CADM2: variants seen among roughly 807,000 people sequenced by gnomAD.
The protein encoded by CADM2 is immunoglobulin superfamily member 4D.
A neutral mutation model predicts 49.8 loss-of-function variants in CADM2; 12 were observed. The ratio of observed to expected loss-of-function variants is 0.24; its 90% confidence interval spans 0.15 to 0.39. CADM2 has a LOEUF of 0.39. Ranked by LOEUF, CADM2 falls within the 10% of genes least tolerant of loss-of-function variation. The pLI is 1.00. For synonymous variants in CADM2, 214 were observed against 175.4 expected (o/e 1.22, Z -1.74); for missense variants, 378 against 492.3 (o/e 0.77, Z 2.20).
chr3:86,044,268 A>G (rs1736346804), intron 8 of CADM2, among the ~76,000 whole-genome samples: 1 of 152,228 alleles, frequency 6.6e-6, no homozygotes. Context: ...ATCAGAGTGA[A>G]CAGGCAACCC....
intron 1 of CADM2, among the ~76,000 whole-genome samples, chr3:85,058,968 T>C (rs565200695): frequency 2.6e-5 from 4 of 151,830 alleles, no homozygotes; most frequent in Non-Finnish European, 4.4e-5. Context: ...TTCTTAATTA[T>C]CAAATTTCCT....
intron 1 of CADM2, among the ~76,000 whole-genome samples, chr3:85,608,874 A>T (rs1394184253): frequency 6.6e-6 from 1 of 152,124 alleles, no homozygotes; most frequent in Non-Finnish European, 1.5e-5. Flanking sequence ...GCACATATTT[A>T]AAAGCTTTCT....
intron 1 of CADM2, among the ~76,000 whole-genome samples, chr3:85,282,848 T>C (rs2043538983): frequency 6.6e-6 from 1 of 152,088 alleles, no homozygotes; most frequent in Non-Finnish European, 1.5e-5. Flanking sequence ...AGGGTGACTA[T>C]ACTAAAAAAG....
At chr3:85,722,679 C>A (rs1328977933) in intron 1 of CADM2, among the ~76,000 whole-genome samples, 1 of 152,044 alleles carries the variant, frequency 6.6e-6, no homozygotes, top group Admixed American at 6.6e-5. Flanking sequence ...AAATATATGA[C>A]CCTTGTGTTA....
At chr3:85,279,645 AT>A (rs1421921710) in intron 1 of CADM2, among the ~76,000 whole-genome samples, 10 of 151,418 alleles carry the variant, frequency 6.6e-5, no homozygotes, top group Non-Finnish European at 3.0e-5. Flanking sequence ...TTGACTACCA[AT>A]TTTTTTAGTT....
At position 85,490,331 on chromosome 3, in the gene CADM2, A is replaced by G. The variant is rs1019563603; in HGVS notation, c.62-236191A>G. 8.5e-5 allele frequency among the ~76,000 whole-genome samples: 13 copies of G among 152,266 alleles called. No homozygotes were observed. In the East Asian group the frequency reaches 2.3e-3, roughly 27 times the overall value. On this transcript the variant is annotated intron_variant, in intron 1 of 9. Transcript: ENST00000383699. ...CTATTTCCCCTGTGTCGGCTGCACAATGAATTATATATAGCACAGTGTTAA... is the reference window on the plus strand; with the variant it reads ...CTATTTCCCCTGTGTCGGCTGCACAGTGAATTATATATAGCACAGTGTTAA...
At chr3:85,347,074 T>G (rs2030738711) in intron 1 of CADM2, among the ~76,000 whole-genome samples, 1 of 151,576 alleles carries the variant, frequency 6.6e-6, no homozygotes, top group African/African-American at 2.4e-5. Flanking sequence ...AATACAAAAA[T>G]TAGCCAGGTA....
chr3:85,831,087 G>A (rs2074165544), intron 3 of CADM2, among the ~76,000 whole-genome samples: 1 of 151,764 alleles, frequency 6.6e-6, no homozygotes, highest in Non-Finnish European at 1.5e-5. Context: ...GAGAACCTGT[G>A]GTATTTGGTT....
chr3:85,892,780 G>A (rs1003889605), intron 5 of CADM2, among the ~76,000 whole-genome samples: 5 of 152,152 alleles, frequency 3.3e-5, no homozygotes, highest in African/African-American at 9.7e-5. Context: ...AAAATGTGGA[G>A]GCGACTCTGA....
At chr3:85,264,498 C>A (rs1168315862) in intron 1 of CADM2, among the ~76,000 whole-genome samples, 1 of 152,012 alleles carries the variant, frequency 6.6e-6, no homozygotes, top group African/African-American at 2.4e-5. Flanking sequence ...TGGGACTATT[C>A]TTTCACTTGC....
chr3:85,541,168 A>G (rs138484317), intron 1 of CADM2, among the ~76,000 whole-genome samples: 4,641 of 150,952 alleles, frequency 0.031, 189 homozygotes, highest in East Asian at 0.16. Context: ...TATATTTATT[A>G]TATATACATG....
chr3:85,438,251 C>A (rs1576553608), intron 1 of CADM2, among the ~76,000 whole-genome samples: 1 of 151,880 alleles, frequency 6.6e-6, no homozygotes, highest in East Asian at 1.9e-4. Flanking sequence ...TTAAGACATT[C>A]AATTGGTTTC....
At chr3:85,526,101 T>C (rs1020629239) in intron 1 of CADM2, among the ~76,000 whole-genome samples, 5 of 152,110 alleles carry the variant, frequency 3.3e-5, no homozygotes, top group Admixed American at 1.3e-4. Flanking sequence ...CTCTCCTGGA[T>C]TTCCTGTTCC....
At chr3:85,403,549 C>G (rs60469203) in intron 1 of CADM2, among the ~76,000 whole-genome samples, 2,112 of 152,200 alleles carry the variant, frequency 0.014, 48 homozygotes, top group African/African-American at 0.048. Context: ...TAATGTTATA[C>G]AGAGACATGC....
chr3:85,002,584 T>C (rs944998607), intron 1 of CADM2, among the ~76,000 whole-genome samples: 2 of 150,396 alleles, frequency 1.3e-5, no homozygotes, highest in Non-Finnish European at 2.9e-5. Flanking sequence ...TAAATAATTA[T>C]TATTTTTTTG....
chr3:85,458,563 G>A (rs1181368475), intron 1 of CADM2, among the ~76,000 whole-genome samples: 2 of 152,152 alleles, frequency 1.3e-5, no homozygotes, highest in African/African-American at 2.4e-5. Flanking sequence ...CAGAATGTAG[G>A]TAGGTAAAGA....
chr3:85,516,714 AAG>A (rs1451878190), intron 1 of CADM2, among the ~76,000 whole-genome samples: 1 of 152,096 alleles, frequency 6.6e-6, no homozygotes, highest in Non-Finnish European at 1.5e-5. Context: ...TATTTATAAA[AAG>A]AGATATAAGA....
At chr3:85,835,239 T>G (rs1278712055) in intron 3 of CADM2, among the ~76,000 whole-genome samples, 1 of 151,544 alleles carries the variant, frequency 6.6e-6, no homozygotes. Flanking sequence ...AGACATATTT[T>G]GATAGCTTTT....
intron 1 of CADM2, among the ~76,000 whole-genome samples, chr3:85,515,740 G>C (rs2060888877): frequency 6.6e-6 from 1 of 150,840 alleles, no homozygotes; most frequent in Admixed American, 6.6e-5. Flanking sequence ...GCCTCCCAAA[G>C]TCCTGGGATT....
Sources: gnomAD v4.1 joint callset for allele counts (sites outside exome capture counted in the v4.1 genomes callset) on GRCh38, gnomAD v4.1.1 for gene constraint, MANE v1.5 for transcripts, NCBI Gene and HGNC (gene_info 2026-07-23, HGNC 2026-07-21) for gene names.